The following PITPNA variants were observed in gnomAD, a reference collection of about 807,000 sequenced individuals.
PITPNA encodes the protein phosphatidylinositol transfer protein alpha.
Under a neutral mutation model 50.3 loss-of-function variants are expected in PITPNA, and 13 were observed. The ratio of observed to expected loss-of-function variants is 0.26; its 90% confidence interval spans 0.17 to 0.41. PITPNA has a LOEUF of 0.41. PITPNA is among the 10% of genes least tolerant of loss of function. The pLI, the probability that PITPNA is intolerant of heterozygous loss-of-function variation, is 1.00. For missense variants in PITPNA, 207 were observed against 333.4 expected, an observed-to-expected ratio of 0.62 and a Z score of 2.95; for synonymous variants, 120 against 119.6, an observed-to-expected ratio of 1.00 and a Z score of -0.02.
chr17:1,547,488 A>G (rs1220596291), intron 4 of PITPNA, among the ~76,000 whole-genome samples: 1 of 151,714 alleles, frequency 6.6e-6, no homozygotes, highest in East Asian at 1.9e-4. Flanking sequence ...CGTCTCTACT[A>G]AAAATACAAA....
rs748561605 is a variant in PITPNA, at chr17:1,538,926, C to G, written c.399G>C (p.Trp133Cys). The G allele has an allele frequency of 1.2e-6, 2 of 1,613,730 alleles. No homozygotes were observed. The highest frequency in any genetic ancestry group is 1.7e-6 in the Non-Finnish European group (2 of 1,179,616). ...CTATATATACGGCTTCCACGTGTTT[C>G]CACGCCTCAGGCTCCAGCTTATGCA... ...ENVHKLEPEA[W>C]KHVEAVYIDI... The change falls in exon 7 of 12, where the codon TGG becomes TGC. Residue 133 changes from tryptophan (W) to cysteine (C), a missense_variant. Transcript: ENST00000313486.
intron 5 of PITPNA, 77 bp downstream of exon 5, chr17:1,542,943 C>A: frequency 9.0e-7 from 1 of 1,116,328 alleles, no homozygotes; most frequent in Admixed American, 1.9e-5. Context: ...ACACCCAAGA[C>A]CACCAGTGCA....
intron 10 of PITPNA, among the ~76,000 whole-genome samples, chr17:1,528,866 G>C (rs1424384641): frequency 6.6e-6 from 1 of 152,106 alleles, no homozygotes; most frequent in Non-Finnish European, 1.5e-5. Context: ...GGCTGGGCAT[G>C]GTGGCTCACA....
intron 10 of PITPNA, among the ~76,000 whole-genome samples, chr17:1,529,723 C>G (rs1008222367): frequency 3.6e-4 from 55 of 151,756 alleles, no homozygotes; most frequent in African/African-American, 1.2e-3. Context: ...GGCGTGGTGG[C>G]GGGCACCTGT....
intron 4 of PITPNA, among the ~76,000 whole-genome samples, chr17:1,546,421 G>T (rs1376627464): frequency 6.6e-6 from 1 of 152,162 alleles, no homozygotes; most frequent in African/African-American, 2.4e-5. Flanking sequence ...CTGAGGGTTG[G>T]AAAGAGCAAT....
At position 1,531,037 on chromosome 17, in the gene PITPNA, C is replaced by T. The variant is rs76737347; in HGVS notation, c.768+3062G>A. 6.3e-3 allele frequency among the ~76,000 whole-genome samples: 961 copies of T among 152,334 alleles called. 7 individuals are homozygous for T. The highest frequency in any genetic ancestry group is 0.026 in the South Asian group (124 of 4,820). On this transcript the variant is annotated intron_variant, in intron 10 of 11. Coordinates refer to ENST00000313486, the MANE Select transcript of PITPNA (RefSeq NM_006224.4). ...CTGCTCTGGAAGTCAAGCAACCACCCTCCTTTCCTTCACAGCAAAAGCCAG... is the reference window on the plus strand; with the variant it reads ...CTGCTCTGGAAGTCAAGCAACCACCTTCCTTTCCTTCACAGCAAAAGCCAG...
intron 1 of PITPNA, among the ~76,000 whole-genome samples, chr17:1,560,613 C>T (rs1018924117): frequency 7.9e-5 from 12 of 152,178 alleles, no homozygotes; most frequent in Admixed American, 2.0e-4. Flanking sequence ...CCCTGCCTGA[C>T]CTTCATTTCA....
At chr17:1,524,513 G>C (rs2075535408) in intron 10 of PITPNA, among the ~76,000 whole-genome samples, 1 of 152,026 alleles carries the variant, frequency 6.6e-6, no homozygotes, top group African/African-American at 2.4e-5. Context: ...ACCCACCTCA[G>C]CTTCCCAAAG....
chr17:1,558,399 T>C, intron 2 of PITPNA, 130 bp downstream of exon 2: 1 of 672,120 alleles, frequency 1.5e-6, no homozygotes. Flanking sequence ...CACCACGAAA[T>C]TCACATTGAA....
intron 11 of PITPNA, among the ~76,000 whole-genome samples, chr17:1,520,783 T>A (rs2075506469): frequency 6.6e-6 from 1 of 152,142 alleles, no homozygotes; most frequent in African/African-American, 2.4e-5. Flanking sequence ...AAGCAGGGCC[T>A]GCCGTCACTC....
intron 1 of PITPNA, among the ~76,000 whole-genome samples, chr17:1,558,769 A>ACCCCCCCCCCCCCCC (rs147366133): frequency 1.2e-3 from 27 of 22,706 alleles, no homozygotes; most frequent in African/African-American, 1.7e-3. Context: ...CTGTGACAAC[A>ACCCCCCCCCCCCCCC]CCCCCCCCCC....
chr17:1,518,518 T>C lies in PITPNA; in HGVS notation c.*2043A>G, dbSNP rs2075486932. 1.3e-5 allele frequency: 2 copies of C among 152,698 alleles called. No homozygotes were observed. Among genetic ancestry groups the C allele is most frequent in the Non-Finnish European group, 2.9e-5 (2 of 68,050 alleles). 9.5% of individuals were successfully genotyped at this position (152,698 alleles called of 1,614,324 possible). Reference sequence around the variant, plus strand: ...CCAGGGACATCCTCCTTTATGTTTATGTGGGCTGCAATTCCAGATCCAGGC... The same window carrying C: ...CCAGGGACATCCTCCTTTATGTTTACGTGGGCTGCAATTCCAGATCCAGGC... On this transcript the variant is annotated 3_prime_UTR_variant, in exon 12 of 12. Transcript: ENST00000313486.
chr17:1,543,987 G>A (rs945012224), intron 4 of PITPNA, among the ~76,000 whole-genome samples: 12 of 152,190 alleles, frequency 7.9e-5, no homozygotes, highest in Admixed American at 5.2e-4. Flanking sequence ...GGTGGGCCCC[G>A]GAGGCCCAGC....
intron 3 of PITPNA, among the ~76,000 whole-genome samples, chr17:1,549,629 T>A (rs2075697956): frequency 1.4e-5 from 2 of 144,260 alleles, no homozygotes; most frequent in African/African-American, 2.6e-5. Context: ...AGAAAGATTT[T>A]TTAAAATTAA....
At chr17:1,528,276 G>T (rs1192487260) in intron 10 of PITPNA, among the ~76,000 whole-genome samples, 1 of 152,196 alleles carries the variant, frequency 6.6e-6, no homozygotes, top group African/African-American at 2.4e-5. Flanking sequence ...AAGTAGCTGG[G>T]ATTACAGGCA....
chr17:1,550,946 G>C (rs1334879082), intron 3 of PITPNA, among the ~76,000 whole-genome samples: 1 of 152,224 alleles, frequency 6.6e-6, no homozygotes, highest in East Asian at 1.9e-4. Flanking sequence ...GGACATGTTG[G>C]AGACGCTGAG....
At chr17:1,521,893 T>TTTG (rs2075515490) in intron 10 of PITPNA, among the ~76,000 whole-genome samples, 1 of 140,574 alleles carries the variant, frequency 7.1e-6, no homozygotes, top group African/African-American at 2.6e-5. Flanking sequence ...TTTTTTTTTT[T>TTTG]GGTAAAGAGG....
At chr17:1,558,384 A>G in intron 2 of PITPNA, 145 bp downstream of exon 2, 1 of 640,634 alleles carries the variant, frequency 1.6e-6, no homozygotes. Flanking sequence ...TTCAACTGAA[A>G]GTGGCACCAC....
intron 2 of PITPNA, among the ~76,000 whole-genome samples, chr17:1,558,009 T>A (rs1323821492): frequency 6.6e-6 from 1 of 152,064 alleles, no homozygotes; most frequent in Non-Finnish European, 1.5e-5. Context: ...GGCGGGCGGA[T>A]CACTTGAGGT....
Sources: allele counts gnomAD v4.1 joint callset (sites outside exome capture counted in the v4.1 genomes callset), GRCh38; gene constraint gnomAD v4.1.1; transcripts MANE v1.5; gene names NCBI Gene and HGNC (gene_info 2026-07-23, HGNC 2026-07-21).